The following ZNF277 variants were observed in gnomAD, a reference collection of about 807,000 sequenced individuals.
ZNF277 encodes the protein nuclear receptor-interacting factor 4.
Under a neutral mutation model 60.7 loss-of-function variants are expected in ZNF277, and 55 were observed. That is an observed-to-expected ratio of 0.91 (90% CI 0.73 to 1.13). The LOEUF is 1.13. ZNF277 is among the 50% of genes most tolerant of loss of function. The pLI is 0.00. For synonymous variants in ZNF277, 178 were observed against 179.3 expected (o/e 0.99, Z 0.06); for missense variants, 510 against 523.0 (o/e 0.98, Z 0.24).
intron 1 of ZNF277, among the ~76,000 whole-genome samples, chr7:112,285,506 C>T (rs1024467089): frequency 2.0e-5 from 3 of 148,086 alleles, no homozygotes; most frequent in Non-Finnish European, 4.4e-5. Flanking sequence ...GCCATCTCAG[C>T]TTACTGCAAC....
intron 1 of ZNF277, among the ~76,000 whole-genome samples, chr7:112,259,411 G>C (rs62473131): frequency 4.6e-5 from 7 of 152,002 alleles, no homozygotes; most frequent in Non-Finnish European, 8.8e-5. Flanking sequence ...TAAAAATTAC[G>C]TAGTAGTAGA....
At chr7:112,228,133 C>T (rs533708894) in intron 1 of ZNF277, among the ~76,000 whole-genome samples, 3 of 152,138 alleles carry the variant, frequency 2.0e-5, no homozygotes, top group African/African-American at 7.2e-5. Context: ...AGCGTGACTC[C>T]AGTCTCTGCC....
At position 112,277,240 on chromosome 7, in the gene ZNF277, GC is replaced by G. The variant is rs562310607; in HGVS notation, c.92-9630del. On this transcript the variant is annotated intron_variant, in intron 1 of 11. Coordinates refer to ENST00000361822, the MANE Select transcript of ZNF277 (RefSeq NM_021994.3). Reference sequence around the variant, plus strand: ...CTGGGACTACAGGCGCGTGCCACCAGCCCGGCTAATTTTTTGTATTTTTATT... The same window carrying G: ...CTGGGACTACAGGCGCGTGCCACCAGCCGGCTAATTTTTTGTATTTTTATT... Among the ~76,000 whole-genome samples the G allele has an allele frequency of 3.2e-4, 49 of 151,912 alleles. 1 individual carries two copies. The South Asian group carries it at 9.8e-3, about 30-fold the overall frequency.
At chr7:112,303,278 T>A (rs1056577600) in intron 4 of ZNF277, among the ~76,000 whole-genome samples, 1 of 152,130 alleles carries the variant, frequency 6.6e-6, no homozygotes, top group Non-Finnish European at 1.5e-5. Flanking sequence ...AATTGACATT[T>A]GTTAGAATTA....
intron 1 of ZNF277, among the ~76,000 whole-genome samples, chr7:112,210,717 C>T (rs2116945334): frequency 6.6e-6 from 1 of 152,196 alleles, no homozygotes; most frequent in East Asian, 1.9e-4. Context: ...GGTGATCCAC[C>T]CTCCTCGGCC....
intron 4 of ZNF277, among the ~76,000 whole-genome samples, chr7:112,312,934 T>A (rs1392309121): frequency 3.9e-5 from 6 of 152,130 alleles, no homozygotes; most frequent in African/African-American, 1.4e-4. Flanking sequence ...AGTTACATAT[T>A]TAAAATATTT....
intron 1 of ZNF277, among the ~76,000 whole-genome samples, chr7:112,219,487 C>T (rs537949609): frequency 3.3e-5 from 5 of 152,124 alleles, no homozygotes; most frequent in Admixed American, 2.0e-4. Flanking sequence ...TCCTTTCCCC[C>T]ATTATGTATT....
At chr7:112,309,785 A>C (rs1792680565) in intron 4 of ZNF277, among the ~76,000 whole-genome samples, 2 of 151,950 alleles carry the variant, frequency 1.3e-5, no homozygotes, top group African/African-American at 4.8e-5. Context: ...TACAAATTCA[A>C]GAGTTCCCAC....
rs780461647 is a variant in ZNF277, at chr7:112,286,843, T to TTTTTTTTC, written c.92-23_92-22insCTTTTTTT. The TTTTTTTTC allele has an allele frequency of 2.0e-3, 363 of 177,848 alleles. 5 individuals are homozygous for TTTTTTTTC. The highest frequency in any genetic ancestry group is 0.013 in the African/African-American group (334 of 26,550). The allele number at this position is 177,848 out of a possible 1,614,324, so 11.0% of individuals were successfully genotyped here. ...TTGGTTTCAGCTTTTCTTTCTTTCT[T>TTTTTTTTC]TTTTTTTTTTTTTTTTTGGTCTATT... On this transcript the variant is annotated intron_variant, in intron 1 of 11. Transcript: ENST00000361822.
chr7:112,294,677 T>C (rs1792285902), intron 2 of ZNF277, among the ~76,000 whole-genome samples: 1 of 152,218 alleles, frequency 6.6e-6, no homozygotes, highest in East Asian at 1.9e-4. Context: ...TTTTATTTGA[T>C]GTCAGCTCGT....
intron 1 of ZNF277, among the ~76,000 whole-genome samples, chr7:112,233,907 T>C (rs1822411409): frequency 6.6e-6 from 1 of 152,190 alleles, no homozygotes; most frequent in Non-Finnish European, 1.5e-5. Flanking sequence ...TTAAAGTTCT[T>C]ATTGCTTTTC....
In ZNF277 at chr7:112,206,774, A is replaced by C; in HGVS notation, c.58A>C (p.Ser20Arg). The C allele has an allele frequency of 6.2e-7, 1 of 1,613,030 alleles. No individual in the cohort carries two copies. Among genetic ancestry groups the C allele is most frequent in the Non-Finnish European group, 8.5e-7 (1 of 1,179,610 alleles). Residue 20 changes from serine to arginine, a missense_variant, in exon 1 of 12, where the codon AGC (serine) becomes CGC (arginine). Transcript: ENST00000361822. ...VARMQEDRDG[S>R]CSTVGGVGYG... ...CCGAATGCAGGAAGACCGTGATGGG[A>C]GCTGCAGCACAGTCGGGGGTGTAGG...
intron 5 of ZNF277, among the ~76,000 whole-genome samples, chr7:112,319,647 A>AT (rs1386850034): frequency 6.8e-5 from 10 of 147,794 alleles, no homozygotes; most frequent in Non-Finnish European, 1.0e-4. Context: ...ATTATAATTT[A>AT]TAAATTATAT....
At chr7:112,244,589 A>G (rs1361553115) in intron 1 of ZNF277, among the ~76,000 whole-genome samples, 3 of 152,150 alleles carry the variant, frequency 2.0e-5, no homozygotes, top group African/African-American at 7.2e-5. Context: ...ATTTAAATAT[A>G]CACAGAAATA....
At chr7:112,307,693 A>G (rs980806274) in intron 4 of ZNF277, among the ~76,000 whole-genome samples, 2 of 151,722 alleles carry the variant, frequency 1.3e-5, no homozygotes, top group Non-Finnish European at 2.9e-5. Context: ...TTTTTTGATT[A>G]TTCAGCTTTT....
Position 112,296,912 on chromosome 7 carries a change from ATTTT to A in ZNF277, c.465+631_465+634del, listed in dbSNP as rs1170078999. Among the ~76,000 whole-genome samples, 87 of 39,646 alleles carry A rather than the reference ATTTT, an allele frequency of 2.2e-3. 1 individual carries two copies. Among genetic ancestry groups the A allele is most frequent in the African/African-American group, 4.7e-3 (82 of 17,628 alleles). The allele number at this position is 39,646 out of a possible 152,430, so 26.0% of individuals were successfully genotyped here. A position where few individuals can be genotyped will look rare whatever the true frequency, so the allele number is the denominator to read the frequency against. The stretch of plus-strand genomic sequence containing the variant: ...ATTTTATTTATTTATTTATTTATTT[ATTTT>A]TTTTTTTTTTTTTTTTTTTTTTTTT... On this transcript the variant is annotated intron_variant, in intron 4 of 11. Coordinates refer to ENST00000361822, the MANE Select transcript of ZNF277 (RefSeq NM_021994.3).
intron 1 of ZNF277, among the ~76,000 whole-genome samples, chr7:112,280,806 G>A (rs896082541): frequency 6.6e-6 from 1 of 151,896 alleles, no homozygotes; most frequent in Admixed American, 6.6e-5. Context: ...TTTTGTGTTT[G>A]TAGTGGAGAT....
intron 5 of ZNF277, among the ~76,000 whole-genome samples, chr7:112,326,980 AT>A (rs1793109864): frequency 6.6e-6 from 1 of 152,166 alleles, no homozygotes; most frequent in African/African-American, 2.4e-5. Context: ...GAAGTTGGTC[AT>A]TGTTTTGCAG....
chr7:112,307,689 G>T lies in ZNF277; in HGVS notation c.466-10493G>T, dbSNP rs550890781. Among the ~76,000 whole-genome samples the T allele has an allele frequency of 4.6e-3, 704 of 151,730 alleles. 8 individuals are homozygous for T. Among genetic ancestry groups the T allele is most frequent in the Non-Finnish European group, 7.3e-3 (496 of 67,838 alleles). ...CTCAACCTCCCAGTTGAATTTTTTTGATTATTCAGCTTTTTCTCATTGATA... is the reference window on the plus strand; with the variant it reads ...CTCAACCTCCCAGTTGAATTTTTTTTATTATTCAGCTTTTTCTCATTGATA... On this transcript the variant is annotated intron_variant, in intron 4 of 11. Transcript: ENST00000361822.
Sources: gnomAD v4.1 joint callset for allele counts (sites outside exome capture counted in the v4.1 genomes callset) on GRCh38, gnomAD v4.1.1 for gene constraint, MANE v1.5 for transcripts, NCBI Gene and HGNC (gene_info 2026-07-23, HGNC 2026-07-21) for gene names.